The following WDR70 variants were observed in gnomAD, a reference collection of about 807,000 sequenced individuals.
The protein encoded by WDR70 is WD repeat-containing protein 70.
A neutral mutation model predicts 88.6 loss-of-function variants in WDR70; 53 were observed. The observed-to-expected ratio is 0.60, with a 90% CI of 0.48 to 0.75. WDR70 has a LOEUF of 0.75. WDR70 is among the 30% of genes least tolerant of loss of function. WDR70 has a pLI of 0.00. For synonymous variants in WDR70, 280 were observed against 270.0 expected (o/e 1.04, Z -0.36); for missense variants, 610 against 823.2 (o/e 0.74, Z 3.17).
chr5:37,616,851 T>C (rs1433440797), intron 10 of WDR70, among the ~76,000 whole-genome samples: 1 of 152,180 alleles, frequency 6.6e-6, no homozygotes, highest in Non-Finnish European at 1.5e-5. Context: ...CTTAAATGGG[T>C]TTGGTTTTCA....
chr5:37,496,468 A>G (rs999599661), intron 8 of WDR70, among the ~76,000 whole-genome samples: 6 of 152,162 alleles, frequency 3.9e-5, no homozygotes, highest in Non-Finnish European at 8.8e-5. Flanking sequence ...AACTCCGGAC[A>G]CACCATCTTT....
intron 17 of WDR70, among the ~76,000 whole-genome samples, chr5:37,730,000 C>T (rs535445689): frequency 7.2e-5 from 11 of 152,200 alleles, no homozygotes; most frequent in South Asian, 2.1e-4. Context: ...CTTACATCCC[C>T]GTATTTCCTA....
chr5:37,432,757 T>A (rs1470949660), intron 5 of WDR70, among the ~76,000 whole-genome samples: 1 of 151,904 alleles, frequency 6.6e-6, no homozygotes, highest in Admixed American at 6.6e-5. Context: ...GACGGGATTT[T>A]GCCATGTTGG....
intron 9 of WDR70, among the ~76,000 whole-genome samples, chr5:37,586,468 G>C (rs560571424): frequency 6.6e-6 from 1 of 151,856 alleles, no homozygotes; most frequent in Admixed American, 6.6e-5. Context: ...GTGCAGTTTT[G>C]TTAAATAGGT....
chr5:37,397,146 C>A (rs1414269021), intron 5 of WDR70, among the ~76,000 whole-genome samples: 1 of 150,254 alleles, frequency 6.7e-6, no homozygotes, highest in Non-Finnish European at 1.5e-5. Context: ...CAAACCGCCC[C>A]CCCCAACCCC....
chr5:37,539,994 C>T (rs563499541), intron 9 of WDR70, among the ~76,000 whole-genome samples: 1 of 152,156 alleles, frequency 6.6e-6, no homozygotes, highest in Non-Finnish European at 1.5e-5. Flanking sequence ...GACTTTTGAT[C>T]TACTCAGTGT....
chr5:37,649,473 G>A (rs896000401), intron 10 of WDR70, among the ~76,000 whole-genome samples: 1 of 149,772 alleles, frequency 6.7e-6, no homozygotes, highest in African/African-American at 2.5e-5. Flanking sequence ...ATGAGAGCAA[G>A]GGGATTGCTT....
chr5:37,686,035 T>C (rs955292041), intron 10 of WDR70, among the ~76,000 whole-genome samples: 3 of 152,218 alleles, frequency 2.0e-5, no homozygotes, highest in African/African-American at 7.2e-5. Flanking sequence ...TGTAGTCAGC[T>C]GTCTTGCCCA....
intron 5 of WDR70, among the ~76,000 whole-genome samples, chr5:37,420,066 A>G (rs1749897881): frequency 6.6e-6 from 1 of 151,920 alleles, no homozygotes; most frequent in Non-Finnish European, 1.5e-5. Context: ...CTTAACAGCT[A>G]AAGAAAGTAT....
At chr5:37,623,127 A>T (rs10941354) in intron 10 of WDR70, among the ~76,000 whole-genome samples, 70,862 of 151,558 alleles carry the variant, frequency 0.47, 17,953 homozygotes, top group Non-Finnish European at 0.58. Context: ...CTGCTTGGTA[A>T]TACTGAAAGA....
chr5:37,569,439 T>C (rs1267628115), intron 9 of WDR70, among the ~76,000 whole-genome samples: 1 of 152,194 alleles, frequency 6.6e-6, no homozygotes, highest in Non-Finnish European at 1.5e-5. Context: ...TGAATTAAAT[T>C]GCCCTCTTGC....
intron 1 of WDR70, 47 bp from the exon 2 acceptor site, chr5:37,379,442 T>G (rs775661431): frequency 6.8e-6 from 11 of 1,613,578 alleles, no homozygotes; most frequent in Non-Finnish European, 8.5e-6. Flanking sequence ...TCGGGGGAGC[T>G]GGGGCGCCGC....
Position 37,522,111 on chromosome 5 carries a change from C to G in WDR70, c.917+5521C>G, listed in dbSNP as rs539006334. Among the ~76,000 whole-genome samples the G allele has an allele frequency of 5.9e-5, 9 of 152,058 alleles. No individual in the cohort carries two copies. The South Asian group carries it at 1.7e-3, about 28-fold the overall frequency. On this transcript the variant is annotated intron_variant, in intron 9 of 17. Transcript: ENST00000265107. ...GCATTGTGGTTTTTATTTGCATTTC[C>G]CTGATCATTAGTGATGGTGAGCATT...
At chr5:37,596,587 T>A (rs947032244) in intron 9 of WDR70, among the ~76,000 whole-genome samples, 4 of 152,182 alleles carry the variant, frequency 2.6e-5, no homozygotes, top group African/African-American at 9.7e-5. Flanking sequence ...AACAGCATTT[T>A]GTCAGAGCAA....
At chr5:37,401,492 T>G (rs1749192909) in intron 5 of WDR70, among the ~76,000 whole-genome samples, 1 of 151,900 alleles carries the variant, frequency 6.6e-6, no homozygotes, top group Admixed American at 6.6e-5. Flanking sequence ...ATTTTTTGTA[T>G]TTTTAGTAGA....
chr5:37,443,947 G>A (rs1738372347), intron 7 of WDR70, among the ~76,000 whole-genome samples: 1 of 151,900 alleles, frequency 6.6e-6, no homozygotes, highest in Admixed American at 6.6e-5. Context: ...TCAGGAGTTC[G>A]AGACCAGCCT....
chr5:37,677,999 C>G (rs1032394587), intron 10 of WDR70, among the ~76,000 whole-genome samples: 1 of 151,984 alleles, frequency 6.6e-6, no homozygotes, highest in African/African-American at 2.4e-5. Flanking sequence ...CCTTCTTTGT[C>G]TCTTTTGATC....
chr5:37,637,978 C>T (rs533348078), intron 10 of WDR70, among the ~76,000 whole-genome samples: 1 of 152,270 alleles, frequency 6.6e-6, no homozygotes, highest in South Asian at 2.1e-4. Flanking sequence ...GTGTCACATC[C>T]AGCATTCTGG....
chr5:37,581,797 G>T (rs1743223083), intron 9 of WDR70, among the ~76,000 whole-genome samples: 1 of 152,122 alleles, frequency 6.6e-6, no homozygotes, highest in South Asian at 2.1e-4. Flanking sequence ...AGATCTAGAG[G>T]TGGACAGCAG....
Sources: allele counts gnomAD v4.1 joint callset (sites outside exome capture counted in the v4.1 genomes callset), GRCh38; gene constraint gnomAD v4.1.1; transcripts MANE v1.5; gene names NCBI Gene and HGNC (gene_info 2026-07-23, HGNC 2026-07-21).